SOX6: variants seen among roughly 807,000 people sequenced by gnomAD.
SOX6 encodes the protein transcription factor SOX-6.
Under a neutral mutation model 97.8 loss-of-function variants are expected in SOX6, and 11 were observed. That is an observed-to-expected ratio of 0.11 (90% CI 0.07 to 0.19). The LOEUF is 0.19. Ranked by LOEUF, SOX6 falls within the 10% of genes least tolerant of loss-of-function variation. The pLI, the probability that SOX6 is intolerant of heterozygous loss-of-function variation, is 1.00. For synonymous variants in SOX6, 360 were observed against 371.4 expected (o/e 0.97, Z 0.35); for missense variants, 810 against 1,039.5 (o/e 0.78, Z 3.04).
At position 16,696,234 on chromosome 11, in the gene SOX6, A is replaced by G. The variant is rs999673708; in HGVS notation, n.429+18596T>C. On this transcript the variant is annotated intron_variant and non_coding_transcript_variant, in intron 3 of 5. Coordinates refer to the SOX6 transcript ENST00000524520. ...TGGTGGTTCAACAAATGGTAATGAC[A>G]AGATTTTCCTTTTCACTCTTAAGTT... Among the ~76,000 whole-genome samples the G allele has an allele frequency of 1.3e-5, 2 of 152,230 alleles. 1 individual carries two copies. The highest frequency in any genetic ancestry group is 4.1e-4 in the South Asian group (2 of 4,832).
chr11:16,255,809 A>G (rs1315796255), intron 3 of SOX6, among the ~76,000 whole-genome samples: 5 of 151,662 alleles, frequency 3.3e-5, no homozygotes, highest in East Asian at 1.9e-4. Context: ...GGAAAGACCA[A>G]TAAAATAGAT....
chr11:16,026,938 G>A (rs1266988324), intron 12 of SOX6, among the ~76,000 whole-genome samples: 2 of 152,086 alleles, frequency 1.3e-5, no homozygotes, highest in Non-Finnish European at 2.9e-5. Context: ...CATTACAAAA[G>A]ACAAAAGATA....
intron 2 of SOX6, among the ~76,000 whole-genome samples, chr11:16,717,903 G>A (rs1590062986): frequency 6.9e-6 from 1 of 145,248 alleles, no homozygotes; most frequent in Admixed American, 6.8e-5. Context: ...GCTCAGAAAT[G>A]TAAAATAAGC....
At chr11:16,721,725 G>A (rs1257075779) in intron 2 of SOX6, among the ~76,000 whole-genome samples, 3 of 149,268 alleles carry the variant, frequency 2.0e-5, no homozygotes, top group African/African-American at 5.0e-5. Flanking sequence ...GGCCTCCCCA[G>A]CCATGCCTCT....
chr11:16,338,110 A>C (rs1856518174), intron 2 of SOX6, among the ~76,000 whole-genome samples: 1 of 152,120 alleles, frequency 6.6e-6, no homozygotes, highest in Non-Finnish European at 1.5e-5. Flanking sequence ...CCATTACAGA[A>C]AGTAAATAAC....
chr11:16,194,304 C>A (rs761196772), intron 4 of SOX6, among the ~76,000 whole-genome samples: 6 of 152,160 alleles, frequency 3.9e-5, no homozygotes, highest in Non-Finnish European at 8.8e-5. Context: ...ACAGCTGAAC[C>A]AATATGACTA....
chr11:16,271,624 T>C (rs143226368), intron 3 of SOX6, among the ~76,000 whole-genome samples: 1,587 of 151,626 alleles, frequency 0.01, 16 homozygotes, highest in Middle Eastern at 0.027. Context: ...CCACATTACA[T>C]TGGTTTTCAA....
At chr11:16,668,893 C>G (rs578222478) in intron 3 of SOX6, among the ~76,000 whole-genome samples, 10 of 152,088 alleles carry the variant, frequency 6.6e-5, no homozygotes, top group Non-Finnish European at 1.5e-4. Context: ...ATATATAAAG[C>G]AAATATTACT....
At chr11:16,461,488 C>T (rs906752518) in intron 1 of SOX6, among the ~76,000 whole-genome samples, 1 of 152,212 alleles carries the variant, frequency 6.6e-6, no homozygotes, top group Non-Finnish European at 1.5e-5. Context: ...AATTTTCTAG[C>T]CTATACATAC....
At chr11:16,443,336 C>T (rs940612417) in intron 1 of SOX6, among the ~76,000 whole-genome samples, 9 of 152,088 alleles carry the variant, frequency 5.9e-5, no homozygotes, top group African/African-American at 1.9e-4. Context: ...ACATTTACAT[C>T]TCAAACATGT....
intron 6 of SOX6, 81 bp from the exon 7 acceptor site, chr11:16,112,004 T>TG (rs1849242956): frequency 6.4e-7 from 1 of 1,571,804 alleles, no homozygotes; most frequent in African/African-American, 1.4e-5. Context: ...CCTGGTGGTG[T>TG]GCTGGTACCC....
In SOX6 at chr11:16,623,170, G is replaced by A. The variant is rs185673255; in HGVS notation, n.430-10910C>T. Among the ~76,000 whole-genome samples, 937 of 151,962 alleles carry A rather than the reference G, an allele frequency of 6.2e-3. 7 individuals are homozygous for A. Among genetic ancestry groups the A allele is most frequent in the Middle Eastern group, 0.034 (10 of 294 alleles). On this transcript the variant is annotated intron_variant and non_coding_transcript_variant, in intron 3 of 5. Coordinates refer to the SOX6 transcript ENST00000524520. ...CGGGTAGCTGGGATTACAGGGGCGC[G>A]CCACCACGCCTGACTAATTTTTGCA...
intron 7 of SOX6, among the ~76,000 whole-genome samples, chr11:16,100,167 T>G (rs1388839184): frequency 6.6e-6 from 1 of 151,832 alleles, no homozygotes; most frequent in Non-Finnish European, 1.5e-5. Flanking sequence ...TGTAAGTCAA[T>G]CAAGAAAAAG....
Position 16,163,655 on chromosome 11 carries a change from C to T in SOX6, c.777+20231G>A, listed in dbSNP as rs1281537930. On this transcript the variant is annotated intron_variant, in intron 6 of 15. Coordinates refer to ENST00000683767, the MANE Select transcript of SOX6 (RefSeq NM_001367873.1). ...CCCTTAAAGTGAAAAACAAATCTTG[C>T]TAATAAATCTTGACTAAAGTCCTAA... Among the ~76,000 whole-genome samples the T allele has an allele frequency of 2.6e-5, 4 of 152,328 alleles. No homozygotes were observed. The South Asian group carries it at 8.3e-4, about 32-fold the overall frequency.
intron 1 of SOX6, among the ~76,000 whole-genome samples, chr11:16,429,964 A>G (rs1859239420): frequency 6.6e-6 from 1 of 152,168 alleles, no homozygotes; most frequent in African/African-American, 2.4e-5. Flanking sequence ...TCACTTCGGT[A>G]TGTTTTCAAT....
At chr11:16,520,653 T>C (rs4247299) in intron 4 of SOX6, among the ~76,000 whole-genome samples, 148,439 of 152,334 alleles carry the variant, frequency 0.97, 72,448 homozygotes, top group East Asian at 1. Flanking sequence ...GCACAACATG[T>C]GCGAGCCGAA....
At chr11:16,031,822 A>G (rs975946110) in intron 12 of SOX6, among the ~76,000 whole-genome samples, 6 of 152,086 alleles carry the variant, frequency 3.9e-5, no homozygotes, top group African/African-American at 1.4e-4. Context: ...GAGAAAGGAA[A>G]GGAGAGAAAT....
chr11:16,254,370 GTATATTACATTCATA>G (rs1192092236), intron 3 of SOX6, among the ~76,000 whole-genome samples: 24 of 151,746 alleles, frequency 1.6e-4, no homozygotes, highest in African/African-American at 5.8e-4. Flanking sequence ...ACATATACAG[GTATATTACATTCATA>G]TATATTACAT....
intron 6 of SOX6, among the ~76,000 whole-genome samples, chr11:16,177,376 G>T (rs1241110988): frequency 1.3e-5 from 2 of 151,756 alleles, no homozygotes; most frequent in Admixed American, 1.3e-4. Flanking sequence ...TTCCATTAGA[G>T]AACTATCTTC....
Sources: gnomAD v4.1 joint callset for allele counts (sites outside exome capture counted in the v4.1 genomes callset) on GRCh38, gnomAD v4.1.1 for gene constraint, MANE v1.5 for transcripts, NCBI Gene and HGNC (gene_info 2026-07-23, HGNC 2026-07-21) for gene names.